The following ZNF180 variants were observed in gnomAD, a reference collection of about 807,000 sequenced individuals.
ZNF180 encodes the protein zinc finger protein 180 (HHZ168).
ZNF180 carries 11 observed loss-of-function variants against 11.8 expected under a neutral mutation model. That is an observed-to-expected ratio of 0.93 (90% CI 0.59 to 1.55). The LOEUF (loss-of-function observed/expected upper bound fraction) is 1.55. Among genes scored for constraint, ZNF180 ranks in the 40% most tolerant of loss-of-function variants. The probability of loss-of-function intolerance (pLI) is 0.00; values close to 1 mark genes in which losing one functional copy is unlikely to be tolerated. For missense variants in ZNF180, 773 were observed against 781.7 expected, an observed-to-expected ratio of 0.99 and a Z score of 0.13; for synonymous variants, 287 against 257.7, an observed-to-expected ratio of 1.11 and a Z score of -1.09.
chr19:44,484,407 A>T lies in ZNF180; in HGVS notation c.80T>A (p.Ile27Asn), dbSNP rs1970168507. Residue 27 changes from isoleucine to asparagine, a missense_variant, in exon 3 of 5, where the codon ATC becomes AAC. Ile to Asn is a moderately radical substitution (Grantham distance 149, BLOSUM62 -3). Coordinates refer to ENST00000592529, the MANE Select transcript of ZNF180 (RefSeq NM_001278509.3). ...CCCAGTGTCTTCTCCCTCGACTTTGATGATAATCTCTTGAGGAAGGAAAGA... is the reference window on the plus strand; with the variant it reads ...CCCAGTGTCTTCTCCCTCGACTTTGTTGATAATCTCTTGAGGAAGGAAAGA... ...QDSFLPQEII[I>N]KVEGEDTGSL... 2 of 1,614,056 alleles carry T rather than the reference A, an allele frequency of 1.2e-6. No individual in the cohort carries two copies. The highest frequency in any genetic ancestry group is 1.7e-5 in the Admixed American group (1 of 59,998).
chr19:44,483,755 G>A (rs1970143366), intron 3 of ZNF180, among the ~76,000 whole-genome samples: 1 of 151,842 alleles, frequency 6.6e-6, no homozygotes, highest in Non-Finnish European at 1.5e-5. Context: ...AATTTCTCTG[G>A]TGCTAACCAA....
At chr19:44,500,207 C>G (rs1970711355) in intron 1 of ZNF180, 68 bp downstream of exon 1, 1 of 1,614,056 alleles carries the variant, frequency 6.2e-7, no homozygotes, top group Non-Finnish European at 8.5e-7. Flanking sequence ...CCACCGCTTC[C>G]AGCTTCCCGC....
intron 2 of ZNF180, among the ~76,000 whole-genome samples, chr19:44,488,114 C>T (rs1411972572): frequency 1.6e-5 from 1 of 64,328 alleles, no homozygotes; most frequent in Non-Finnish European, 3.6e-5. Context: ...TCTCTTTCCA[C>T]GGTCTCCCTC....
intron 3 of ZNF180, among the ~76,000 whole-genome samples, chr19:44,482,905 G>A (rs1970119939): frequency 6.6e-6 from 1 of 152,210 alleles, no homozygotes; most frequent in African/African-American, 2.4e-5. Flanking sequence ...AAAACCTCAA[G>A]CTTGCACATT....
intron 2 of ZNF180, among the ~76,000 whole-genome samples, chr19:44,488,956 C>T (rs1220133864): frequency 6.6e-5 from 10 of 151,236 alleles, no homozygotes; most frequent in African/African-American, 9.7e-5. Context: ...GCCCGGCAGC[C>T]GCCCCGTCTG....
In ZNF180 at chr19:44,477,231, G is replaced by T; in HGVS notation, c.1169C>A (p.Ser390Tyr). Reference sequence around the variant, plus strand: ...AACAAGGACATAACTCTGGCTAAAGGATTTCCCACATTGATTACACCTGTA... The same window carrying T: ...AACAAGGACATAACTCTGGCTAAAGTATTTCCCACATTGATTACACCTGTA... ...KPYRCNQCGK[S>Y]FSQSYVLVVH... Residue 390 changes from serine (S) to tyrosine (Y), a missense_variant, in exon 5 of 5, where the codon TCC becomes TAC. Coordinates refer to ENST00000592529, the MANE Select transcript of ZNF180 (RefSeq NM_001278509.3). 1 of 1,614,128 alleles carries T rather than the reference G, an allele frequency of 6.2e-7. No homozygotes were observed. The highest frequency in any genetic ancestry group is 8.5e-7 in the Non-Finnish European group (1 of 1,180,012).
rs916713247 is a variant in ZNF180, at chr19:44,476,429, A to G, written c.1971T>C (p.Thr657=). ...YKLIRHQATH[T]EEKLYECN ...AGTTACATTCATAGAGTTTCTCTTCAGTATGAGTTGCCTGATGCCTAATAA... is the reference window on the plus strand; with the variant it reads ...AGTTACATTCATAGAGTTTCTCTTCGGTATGAGTTGCCTGATGCCTAATAA... Residue 657 remains threonine, a synonymous_variant, in exon 5 of 5, where the codon ACT becomes ACC. Coordinates refer to ENST00000592529, the MANE Select transcript of ZNF180 (RefSeq NM_001278509.3). 24 of 1,600,622 alleles carry G rather than the reference A, an allele frequency of 1.5e-5. No homozygotes were observed. The African/African-American group carries it at 3.2e-4, about 22-fold the overall frequency.
chr19:44,477,582 G>T lies in ZNF180; in HGVS notation c.818C>A (p.Thr273Asn), dbSNP rs746308657. 2.5e-6 allele frequency: 4 copies of T among 1,614,000 alleles called. No individual in the cohort carries two copies. Among genetic ancestry groups the T allele is most frequent in the Non-Finnish European group, 3.4e-6 (4 of 1,180,002 alleles). ...IHEKIHGGGK[T>N]FDFKECGQVL... ...CTGCCCACATTCTTTAAAATCAAAG[G>T]TTTTTCCTCCTCCATGAATTTTTTC... The change falls in exon 5 of 5, where the codon ACC (threonine) becomes AAC (asparagine). Residue 273 changes from threonine to asparagine, a missense_variant. Coordinates refer to ENST00000592529, the MANE Select transcript of ZNF180 (RefSeq NM_001278509.3).
rs542820537 is a variant in ZNF180, at chr19:44,500,342, G to C, written c.-111C>G. On this transcript the variant is annotated 5_prime_UTR_variant, in exon 1 of 5. Coordinates refer to ENST00000592529, the MANE Select transcript of ZNF180 (RefSeq NM_001278509.3). Reference sequence around the variant, plus strand: ...GCCTCAGTGCCTAGCACGGCTCTGCGGCAGGACGAACTCGGGTTAGGCAAC... The same window carrying C: ...GCCTCAGTGCCTAGCACGGCTCTGCCGCAGGACGAACTCGGGTTAGGCAAC... 171 of 1,494,874 alleles carry C rather than the reference G, an allele frequency of 1.1e-4. 1 individual carries two copies. In the East Asian group the frequency reaches 3.8e-3, roughly 33 times the overall value. 92.6% of individuals were successfully genotyped at this position (1,494,874 alleles called of 1,614,324 possible). A position where few individuals can be genotyped will look rare whatever the true frequency, so the allele number is the denominator to read the frequency against.
chr19:44,476,793 T>C lies in ZNF180; in HGVS notation c.1607A>G (p.His536Arg). Residue 536 changes from histidine to arginine, a missense_variant, in exon 5 of 5, where the codon CAC becomes CGC. Physicochemically the swap from His to Arg is conservative, Grantham distance 29. Transcript: ENST00000592529. ...ECGKSFNRSS[H>R]LVMHQRIHTG... ...GTGAATTCTCTGATGCATAACAAGGTGAGAACTGCGGTTAAAAGATTTTCC... is the reference window on the plus strand; with the variant it reads ...GTGAATTCTCTGATGCATAACAAGGCGAGAACTGCGGTTAAAAGATTTTCC... The C allele has an allele frequency of 1.2e-6, 2 of 1,614,146 alleles. No homozygotes were observed. Among genetic ancestry groups the C allele is most frequent in the Non-Finnish European group, 1.7e-6 (2 of 1,179,994 alleles).
At chr19:44,498,397 C>T (rs918354699) in intron 1 of ZNF180, among the ~76,000 whole-genome samples, 10 of 152,166 alleles carry the variant, frequency 6.6e-5, no homozygotes, top group African/African-American at 2.2e-4. Context: ...CGCAGCATAG[C>T]GTAGGTTCAC....
chr19:44,497,770 A>C (rs1970630155), intron 1 of ZNF180, among the ~76,000 whole-genome samples: 1 of 151,776 alleles, frequency 6.6e-6, no homozygotes, highest in South Asian at 2.1e-4. Flanking sequence ...ACCCCATCCT[A>C]CCCCTACCAA....
chr19:44,487,761 G>A (rs1171734930), intron 2 of ZNF180, among the ~76,000 whole-genome samples: 3 of 152,046 alleles, frequency 2.0e-5, no homozygotes, highest in Admixed American at 2.0e-4. Flanking sequence ...AGAGTCTCGC[G>A]CTGTCCCCAG....
At chr19:44,499,176 G>A (rs963825656) in intron 1 of ZNF180, among the ~76,000 whole-genome samples, 1 of 152,186 alleles carries the variant, frequency 6.6e-6, no homozygotes, top group Non-Finnish European at 1.5e-5. Context: ...TTGGGCACTC[G>A]CCAGCGTGGG....
chr19:44,479,871 T>C (rs1415210336), intron 3 of ZNF180, among the ~76,000 whole-genome samples: 1 of 152,184 alleles, frequency 6.6e-6, no homozygotes, highest in African/African-American at 2.4e-5. Context: ...AGCAAGAAAT[T>C]AGCCACAGAA....
rs116176857 is a variant in ZNF180 at position 44,477,401 on chromosome 19, T to C, written c.999A>G (p.Lys333=). ...CAAGATGCGAGCTCCAGCTGAAGGA[T>C]TTCCCACACTGATTACATTCAAAAG... ...EKPFECNQCG[K]SFSWSSHLVA... Residue 333 remains lysine, a synonymous_variant, in exon 5 of 5, where the codon AAA becomes AAG. Coordinates refer to ENST00000592529, the MANE Select transcript of ZNF180 (RefSeq NM_001278509.3). 1,313 of 1,614,228 alleles carry C rather than the reference T, an allele frequency of 8.1e-4. 19 individuals carry two copies. The African/African-American group carries it at 0.016, about 19-fold the overall frequency.
chr19:44,479,464 A>G (rs1050586770), intron 3 of ZNF180, 55 bp from the exon 4 acceptor site: 1 of 1,604,932 alleles, frequency 6.2e-7, no homozygotes, highest in African/African-American at 1.4e-5. Context: ...TCCAAAGTTC[A>G]TGGAGGAGGA....
intron 2 of ZNF180, among the ~76,000 whole-genome samples, chr19:44,490,513 C>T (rs1710412619): frequency 6.6e-6 from 1 of 152,118 alleles, no homozygotes; most frequent in African/African-American, 2.4e-5. Flanking sequence ...CTGATATACA[C>T]CCGTGACAAA....
Position 44,476,432 on chromosome 19 carries a change from A to G in ZNF180, c.1968T>C (p.His656=), listed in dbSNP as rs1969871393. Residue 656 remains histidine, a synonymous_variant, in exon 5 of 5, where the codon CAT becomes CAC. Coordinates refer to ENST00000592529, the MANE Select transcript of ZNF180 (RefSeq NM_001278509.3). ...SYKLIRHQAT[H]TEEKLYECN ...TACATTCATAGAGTTTCTCTTCAGT[A>G]TGAGTTGCCTGATGCCTAATAAGTT... is the stretch of plus-strand genomic sequence containing the variant. 1.9e-6 allele frequency: 3 copies of G among 1,603,296 alleles called. No individual in the cohort carries two copies. Among genetic ancestry groups the G allele is most frequent in the Non-Finnish European group, 2.6e-6 (3 of 1,174,034 alleles).
Sources: gnomAD v4.1 joint callset for allele counts (sites outside exome capture counted in the v4.1 genomes callset) on GRCh38, gnomAD v4.1.1 for gene constraint, MANE v1.5 for transcripts, NCBI Gene and HGNC (gene_info 2026-07-23, HGNC 2026-07-21) for gene names.